Variants in TNS3 observed in about 807,000 individuals in gnomAD.
TNS3 encodes tensin 3, also known as tensin-3.
In TNS3, 45 loss-of-function variants were observed where a neutral mutation model predicts 140.9. The ratio of observed to expected loss-of-function variants is 0.32; its 90% CI spans 0.25 to 0.41. The LOEUF is 0.41. TNS3 is among the 10% of genes least tolerant of loss of function. The pLI is 1.00. For synonymous variants in TNS3, 815 were observed against 788.4 expected, an observed-to-expected ratio of 1.03 and a Z score of -0.56; for missense variants, 1,716 against 1,906.7, an observed-to-expected ratio of 0.90 and a Z score of 1.86.
chr7:47,331,073 G>A (rs1336392580), intron 20 of TNS3, among the ~76,000 whole-genome samples: 1 of 152,204 alleles, frequency 6.6e-6, no homozygotes, highest in Non-Finnish European at 1.5e-5. Context: ...ACTTAGCAAA[G>A]GAACTTCAGA....
chr7:47,428,981 G>A (rs1010150774), intron 8 of TNS3, among the ~76,000 whole-genome samples: 2 of 152,146 alleles, frequency 1.3e-5, no homozygotes, highest in Admixed American at 1.3e-4. Flanking sequence ...ACACCAGCAG[G>A]AGAAGCAGAA....
chr7:47,510,798 C>T (rs1351310961), intron 2 of TNS3, among the ~76,000 whole-genome samples: 1 of 149,682 alleles, frequency 6.7e-6, no homozygotes, highest in Non-Finnish European at 1.5e-5. Flanking sequence ...TCTCCTGAAC[C>T]CAGGAGGCAG....
chr7:47,389,726 A>G (rs1792399633), intron 16 of TNS3, among the ~76,000 whole-genome samples: 1 of 152,076 alleles, frequency 6.6e-6, no homozygotes, highest in South Asian at 2.1e-4. Context: ...CCCCCAGGCC[A>G]CTCTCTCAGG....
rs541531278 is a variant in TNS3 at position 47,396,689 on chromosome 7, CAG to C, written c.1024+109_1024+110del. The C allele has an allele frequency of 4.4e-3, 3,811 of 865,404 alleles. 14 individuals are homozygous for C. The highest frequency in any genetic ancestry group is 5.7e-3 in the Non-Finnish European group (2,987 of 521,672). 53.6% of individuals were successfully genotyped at this position (865,404 alleles called of 1,614,324 possible). A position where few individuals can be genotyped will look rare whatever the true frequency, so the allele number is the denominator to read the frequency against. ...GTGTGATTCTGGACCTCTGAGAAAA[CAG>C]GGGAAATTTTTTCTTCTTAGCAGAC... On this transcript the variant is annotated intron_variant, in intron 16 of 30. Transcript: ENST00000311160.
intron 13 of TNS3, chr7:47,405,695 T>A (rs560504878): frequency 6.5e-5 from 43 of 662,176 alleles, no homozygotes; most frequent in African/African-American, 5.1e-4. Context: ...AAAATAATGC[T>A]GTGATGCGTC....
intron 16 of TNS3, among the ~76,000 whole-genome samples, chr7:47,379,536 T>C (rs745409654): frequency 3.9e-5 from 6 of 152,250 alleles, no homozygotes; most frequent in African/African-American, 7.2e-5. Context: ...AATCAGATAC[T>C]CTATGATTTT....
At chr7:47,357,187 T>C (rs1790043409) in intron 17 of TNS3, among the ~76,000 whole-genome samples, 1 of 152,224 alleles carries the variant, frequency 6.6e-6, no homozygotes, top group African/African-American at 2.4e-5. Context: ...TCTTTCATTT[T>C]CTATCTGGGC....
rs1386144987 is a variant in TNS3, at chr7:47,275,588, T to C, written c.*2488A>G. The C allele has an allele frequency of 1.2e-5, 4 of 331,972 alleles. No homozygotes were observed. The highest frequency in any genetic ancestry group is 2.4e-5 in the Non-Finnish European group (4 of 168,686). 20.6% of individuals were successfully genotyped at this position (331,972 alleles called of 1,614,324 possible). ...CCACGGTGGGGGCTCTCTCACGGTT[T>C]CTGAGCCCACAGTACAATCTGTGAT... On this transcript the variant is annotated 3_prime_UTR_variant, in exon 31 of 31. Coordinates refer to ENST00000311160, the MANE Select transcript of TNS3 (RefSeq NM_022748.12).
chr7:47,542,070 A>G (rs974591699), intron 1 of TNS3, among the ~76,000 whole-genome samples: 3 of 151,818 alleles, frequency 2.0e-5, no homozygotes, highest in Non-Finnish European at 4.4e-5. Flanking sequence ...GAGACTCGGG[A>G]GTTATGTGCA....
intron 3 of TNS3, among the ~76,000 whole-genome samples, chr7:47,502,309 G>A (rs1190878270): frequency 1.3e-5 from 2 of 152,216 alleles, no homozygotes; most frequent in African/African-American, 4.8e-5. Flanking sequence ...GAGAAAAGGA[G>A]TGATCTGAAG....
chr7:47,495,190 CAAAAAAAAAAAA>C (rs11353260), intron 3 of TNS3, among the ~76,000 whole-genome samples: 1 of 79,682 alleles, frequency 1.3e-5, no homozygotes, highest in Non-Finnish European at 2.6e-5. Context: ...GACTCCGTCT[CAAAAAAAAAAAA>C]AAAAAAAAAG....
Position 47,442,114 on chromosome 7 carries a change from A to T in TNS3, c.-75-59T>A, listed in dbSNP as rs947721200. The T allele has an allele frequency of 2.7e-6, 3 of 1,099,844 alleles. No homozygotes were observed. In the African/African-American group the frequency reaches 4.9e-5, roughly 18 times the overall value. 68.1% of individuals were successfully genotyped at this position (1,099,844 alleles called of 1,614,324 possible). ...TTCCTTTCCTGCCAGTCTACATGAC[A>T]CAGACACCACTGAGAGGGAACAATG... On this transcript the variant is annotated intron_variant, in intron 4 of 30. Coordinates refer to ENST00000311160, the MANE Select transcript of TNS3 (RefSeq NM_022748.12).
rs16881490 is a variant in TNS3, at chr7:47,442,030, C to T, written c.-50G>A. On this transcript the variant is annotated 5_prime_UTR_variant, in exon 5 of 31. Transcript: ENST00000311160. Reference sequence around the variant, plus strand: ...CAGAGGTTTATCACGGCAGAGAGAACTGGACAGCGTGGAACTCCCTGGAGC... The same window carrying T: ...CAGAGGTTTATCACGGCAGAGAGAATTGGACAGCGTGGAACTCCCTGGAGC... The T allele has an allele frequency of 0.087, 111,432 of 1,288,084 alleles. 5,899 individuals are homozygous for T. The highest frequency in any genetic ancestry group is 0.23 in the African/African-American group (15,441 of 65,744). The allele number at this position is 1,288,084 out of a possible 1,614,324, so 79.8% of individuals were successfully genotyped here. A position where few individuals can be genotyped will look rare whatever the true frequency, so the allele number is the denominator to read the frequency against.
At chr7:47,405,588 T>A (rs1484920587) in intron 13 of TNS3, 1 of 702,980 alleles carries the variant, frequency 1.4e-6, no homozygotes, top group East Asian at 2.7e-5. Flanking sequence ...GGGTAAATAT[T>A]GGCTGCAAAC....
intron 2 of TNS3, among the ~76,000 whole-genome samples, chr7:47,517,973 TCAATAATCAATCAATCAAGAATCAGTCAA>T (rs1244976544): frequency 6.6e-6 from 1 of 152,160 alleles, no homozygotes; most frequent in Non-Finnish European, 1.5e-5. Flanking sequence ...CATCAACCAA[TCAATAATCAATCAATCAAGAATCAGTCAA>T]CAATAATCAA....
intron 13 of TNS3, among the ~76,000 whole-genome samples, chr7:47,405,997 G>A (rs549769327): frequency 3.9e-4 from 59 of 152,232 alleles, no homozygotes; most frequent in Admixed American, 2.6e-4. Context: ...AGACCAGGGA[G>A]GGAGCAAGCC....
intron 4 of TNS3, among the ~76,000 whole-genome samples, chr7:47,451,583 A>G (rs572016285): frequency 4.7e-4 from 71 of 152,316 alleles, no homozygotes; most frequent in Middle Eastern, 3.4e-3. Context: ...TCCATCTCCA[A>G]TAAATAAATA....
At chr7:47,283,221 C>G (rs914238529) in intron 28 of TNS3, among the ~76,000 whole-genome samples, 5 of 152,220 alleles carry the variant, frequency 3.3e-5, no homozygotes, top group Non-Finnish European at 5.9e-5. Context: ...TCTGCTCCAG[C>G]ATAACTGGCT....
chr7:47,567,671 G>A (rs1006594230), intron 1 of TNS3, among the ~76,000 whole-genome samples: 2 of 130,278 alleles, frequency 1.5e-5, no homozygotes, highest in Non-Finnish European at 3.1e-5. Flanking sequence ...GCAACAGAGC[G>A]AGACTCGGTC....
Sources: gnomAD v4.1 joint callset for allele counts (sites outside exome capture counted in the v4.1 genomes callset) on GRCh38, gnomAD v4.1.1 for gene constraint, MANE v1.5 for transcripts, NCBI Gene and HGNC (gene_info 2026-07-23, HGNC 2026-07-21) for gene names.